The following ADAM12 variants were observed in gnomAD, a reference collection of about 807,000 sequenced individuals.
ADAM12 encodes the protein ADAM metallopeptidase domain 12.
Under a neutral mutation model 106.4 loss-of-function variants are expected in ADAM12, and 70 were observed. The observed-to-expected ratio is 0.66, with a 90% CI of 0.54 to 0.80. The LOEUF is 0.80. Ranked by LOEUF, ADAM12 falls within the 30% of genes least tolerant of loss-of-function variation. The probability of loss-of-function intolerance (pLI) is 0.00; values close to 1 mark genes in which losing one functional copy is unlikely to be tolerated. For missense variants in ADAM12, 1,010 were observed against 1,171.9 expected (o/e 0.86, Z 2.02); for synonymous variants, 420 against 433.5 (o/e 0.97, Z 0.39).
At chr10:126,353,128 G>C (rs1590816384) in intron 1 of ADAM12, among the ~76,000 whole-genome samples, 1 of 152,182 alleles carries the variant, frequency 6.6e-6, no homozygotes. Context: ...AAAAGGAATT[G>C]CCATCACTCC....
At chr10:126,024,008 T>C (rs1202330976) in intron 21 of ADAM12, among the ~76,000 whole-genome samples, 3 of 151,914 alleles carry the variant, frequency 2.0e-5, no homozygotes, top group Non-Finnish European at 2.9e-5. Flanking sequence ...TTGGGTATTA[T>C]TGGAAAAAGT....
chr10:126,323,981 A>G lies in ADAM12; in HGVS notation c.186+6431T>C, dbSNP rs183549832. ...CTAGAACTGCTCTTAGGAAGTAAGA[A>G]GCTTGCCTCATGAGAGGCAGAAGGA... On this transcript the variant is annotated intron_variant, in intron 2 of 22. Coordinates refer to ENST00000448723, the MANE Select transcript of ADAM12 (RefSeq NM_001288973.2). Among the ~76,000 whole-genome samples the G allele has an allele frequency of 1.8e-4, 28 of 152,344 alleles. No individual in the cohort carries two copies. The East Asian group carries it at 5.0e-3, about 27-fold the overall frequency.
chr10:126,149,885 T>G (rs927989976), intron 4 of ADAM12, among the ~76,000 whole-genome samples: 2 of 152,162 alleles, frequency 1.3e-5, no homozygotes, highest in African/African-American at 4.8e-5. Context: ...TTGTGAGGCC[T>G]TACCTTGTGA....
At chr10:126,171,458 C>A (rs368713501) in intron 3 of ADAM12, among the ~76,000 whole-genome samples, 2 of 152,182 alleles carry the variant, frequency 1.3e-5, no homozygotes, top group East Asian at 3.8e-4. Flanking sequence ...CTTTAGAGTT[C>A]ATTTGCTGTC....
intron 11 of ADAM12, among the ~76,000 whole-genome samples, chr10:126,073,182 G>A (rs540092481): frequency 3.9e-5 from 6 of 152,172 alleles, no homozygotes; most frequent in East Asian, 3.9e-4. Flanking sequence ...TCCGCCTCCC[G>A]GATTCAAGTA....
chr10:126,104,113 A>C (rs1955718942), intron 8 of ADAM12, among the ~76,000 whole-genome samples: 1 of 152,202 alleles, frequency 6.6e-6, no homozygotes, highest in Non-Finnish European at 1.5e-5. Context: ...TTGGGACAGG[A>C]GGAGAAGAAA....
intron 1 of ADAM12, among the ~76,000 whole-genome samples, chr10:126,351,404 A>G (rs879313764): frequency 2.6e-5 from 4 of 152,038 alleles, no homozygotes; most frequent in Admixed American, 6.5e-5. Context: ...TTGCACTACA[A>G]TGGATCCCTG....
At chr10:126,082,167 A>G (rs1565041925) in intron 11 of ADAM12, among the ~76,000 whole-genome samples, 1 of 152,174 alleles carries the variant, frequency 6.6e-6, no homozygotes, top group Admixed American at 6.5e-5. Context: ...GATGGCTGTT[A>G]CCTGCTACGC....
At chr10:126,133,286 C>T (rs747823475) in intron 5 of ADAM12, among the ~76,000 whole-genome samples, 7 of 152,162 alleles carry the variant, frequency 4.6e-5, no homozygotes, top group Non-Finnish European at 8.8e-5. Context: ...GCATGCTGGG[C>T]GTGTACGCGT....
chr10:126,135,480 G>T, intron 5 of ADAM12, 104 bp downstream of exon 5: 2 of 1,095,932 alleles, frequency 1.8e-6, no homozygotes, highest in Non-Finnish European at 2.7e-6. Flanking sequence ...TGAGCTGGGA[G>T]CCCCCATCAC....
At position 126,383,887 on chromosome 10, in the gene ADAM12, A is replaced by G. The variant is rs191940081; in HGVS notation, c.88+4171T>C. Among the ~76,000 whole-genome samples, 29 of 152,330 alleles carry G rather than the reference A, an allele frequency of 1.9e-4. No individual in the cohort carries two copies. The East Asian group carries it at 5.6e-3, about 29-fold the overall frequency. ...TGAAGCAGCAATGTACATAGTTAAA[A>G]ATATTTACTTTTCTAGTATTCTGTA... On this transcript the variant is annotated intron_variant, in intron 1 of 22. Coordinates refer to ENST00000448723, the MANE Select transcript of ADAM12 (RefSeq NM_001288973.2).
intron 2 of ADAM12, among the ~76,000 whole-genome samples, chr10:126,305,206 A>C (rs1456610674): frequency 6.6e-6 from 1 of 152,068 alleles, no homozygotes; most frequent in African/African-American, 2.4e-5. Context: ...CAAAACTTGA[A>C]TCAACCCAAA....
At chr10:126,230,047 C>A (rs927391600) in intron 3 of ADAM12, among the ~76,000 whole-genome samples, 37 of 152,168 alleles carry the variant, frequency 2.4e-4, no homozygotes, top group African/African-American at 8.7e-4. Context: ...TCTTACTGAT[C>A]CTTCCATTTT....
At chr10:126,205,560 A>T (rs1443523206) in intron 3 of ADAM12, among the ~76,000 whole-genome samples, 1 of 152,240 alleles carries the variant, frequency 6.6e-6, no homozygotes, top group Non-Finnish European at 1.5e-5. Flanking sequence ...ATATTTCTTA[A>T]ACCTGATCTG....
At chr10:126,350,830 G>C (rs1056592392) in intron 1 of ADAM12, among the ~76,000 whole-genome samples, 2 of 152,140 alleles carry the variant, frequency 1.3e-5, no homozygotes, top group African/African-American at 4.8e-5. Context: ...CTCTGGCAGT[G>C]GGCAGAGCTC....
At chr10:126,181,509 G>T (rs1352994128) in intron 3 of ADAM12, among the ~76,000 whole-genome samples, 1 of 152,126 alleles carries the variant, frequency 6.6e-6, no homozygotes, top group Non-Finnish European at 1.5e-5. Flanking sequence ...TATTTCATAA[G>T]TATAGTATCT....
At chr10:126,278,323 G>A (rs766828777) in intron 3 of ADAM12, among the ~76,000 whole-genome samples, 14 of 152,092 alleles carry the variant, frequency 9.2e-5, no homozygotes, top group Admixed American at 2.6e-4. Context: ...TACGGTTGGA[G>A]GCAGACAAAG....
chr10:126,384,878 G>T (rs1043844121), intron 1 of ADAM12, among the ~76,000 whole-genome samples: 9 of 152,188 alleles, frequency 5.9e-5, no homozygotes, highest in Non-Finnish European at 1.2e-4. Context: ...GAAAGCATCA[G>T]ATCACACAGG....
At chr10:126,338,970 G>T (rs1368057680) in intron 1 of ADAM12, among the ~76,000 whole-genome samples, 2 of 152,138 alleles carry the variant, frequency 1.3e-5, no homozygotes, top group African/African-American at 4.8e-5. Context: ...CCATGTAAAG[G>T]CATTCTCTCA....
Sources: allele counts gnomAD v4.1 joint callset (sites outside exome capture counted in the v4.1 genomes callset), GRCh38; gene constraint gnomAD v4.1.1; transcripts MANE v1.5; gene names NCBI Gene and HGNC (gene_info 2026-07-23, HGNC 2026-07-21).